NLGN1: variants seen among roughly 807,000 people sequenced by gnomAD.
NLGN1 encodes neuroligin 1, also known as neuroligin-1.
Under a neutral mutation model 65.5 loss-of-function variants are expected in NLGN1, and 12 were observed. That is an observed-to-expected ratio of 0.18 (90% CI 0.12 to 0.30). The LOEUF is 0.30. Among genes scored for constraint, NLGN1 ranks in the 10% least tolerant of loss-of-function variants. The pLI, the probability that NLGN1 is intolerant of heterozygous loss-of-function variation, is 1.00. For synonymous variants in NLGN1, 350 were observed against 359.5 expected (o/e 0.97, Z 0.30); for missense variants, 750 against 1,007.1 (o/e 0.74, Z 3.46).
intron 3 of NLGN1, among the ~76,000 whole-genome samples, chr3:173,673,704 C>T (rs1762754880): frequency 6.6e-6 from 1 of 152,126 alleles, no homozygotes; most frequent in Admixed American, 6.6e-5. Flanking sequence ...CAACCTCCAT[C>T]TAACCACAAA....
intron 2 of NLGN1, among the ~76,000 whole-genome samples, chr3:173,571,710 T>C (rs1744683184): frequency 1.3e-5 from 2 of 152,232 alleles, no homozygotes; most frequent in South Asian, 4.1e-4. Flanking sequence ...CTTCTTTTCA[T>C]AGTAGTTTCA....
intron 3 of NLGN1, among the ~76,000 whole-genome samples, chr3:173,646,489 A>G (rs1162984645): frequency 2.0e-5 from 3 of 152,242 alleles, no homozygotes; most frequent in Non-Finnish European, 1.5e-5. Context: ...ATGCTAGAAG[A>G]AAAGATTTGA....
At chr3:173,420,599 T>G (rs559359324) in intron 1 of NLGN1, among the ~76,000 whole-genome samples, 1 of 152,272 alleles carries the variant, frequency 6.6e-6, no homozygotes, top group East Asian at 1.9e-4. Context: ...TACCCAGTAA[T>G]GGGATGACTG....
chr3:173,837,944 G>T (rs1262048072), intron 4 of NLGN1, among the ~76,000 whole-genome samples: 1 of 152,106 alleles, frequency 6.6e-6, no homozygotes, highest in Non-Finnish European at 1.5e-5. Flanking sequence ...TTCAAAAATT[G>T]GTATATAAAC....
chr3:174,081,522 A>G (rs1179795823), intron 4 of NLGN1, among the ~76,000 whole-genome samples: 1 of 151,540 alleles, frequency 6.6e-6, no homozygotes, highest in Non-Finnish European at 1.5e-5. Context: ...CCCATCAATG[A>G]GGGTTCCCCC....
At chr3:173,520,749 A>G (rs1455324992) in intron 2 of NLGN1, among the ~76,000 whole-genome samples, 3 of 152,238 alleles carry the variant, frequency 2.0e-5, no homozygotes, top group African/African-American at 7.2e-5. Flanking sequence ...TTAAGGAACA[A>G]ACAAACAGAA....
intron 4 of NLGN1, among the ~76,000 whole-genome samples, chr3:174,024,170 G>A (rs1156267717): frequency 1.4e-5 from 2 of 148,090 alleles, no homozygotes; most frequent in Non-Finnish European, 3.0e-5. Context: ...AAAAAAACAC[G>A]GGCTGGACCA....
intron 4 of NLGN1, among the ~76,000 whole-genome samples, chr3:173,826,059 G>C (rs921568158): frequency 1.3e-5 from 2 of 151,876 alleles, no homozygotes; most frequent in Non-Finnish European, 2.9e-5. Flanking sequence ...TGCATTAGCT[G>C]TGTGTGTGTG....
At chr3:173,767,655 A>G (rs956311546) in intron 3 of NLGN1, among the ~76,000 whole-genome samples, 2 of 152,104 alleles carry the variant, frequency 1.3e-5, no homozygotes, top group African/African-American at 4.8e-5. Flanking sequence ...TGTTTAATAA[A>G]TATGTTCATT....
chr3:174,285,523 T>C (rs998152403), exon 7 of NLGN1: 1 of 151,532 alleles, frequency 6.6e-6, no homozygotes, highest in Admixed American at 6.6e-5. Context: ...CCAGTAGCCT[T>C]ATACCTCTCC....
rs564123156 is a variant in NLGN1, at chr3:173,461,297, C to T, written c.-321+26219C>T. Among the ~76,000 whole-genome samples, 233 of 152,102 alleles carry T rather than the reference C, an allele frequency of 1.5e-3. 1 individual carries two copies. The highest frequency in any genetic ancestry group is 2.7e-3 in the Non-Finnish European group (185 of 67,972). On this transcript the variant is annotated intron_variant, in intron 2 of 6. Transcript: ENST00000457714. ...ATATTCTAGCCAAACATGTGGTTAT[C>T]CAATCCCCTTAGGAAAAATGTAGGG...
chr3:173,467,209 A>C (rs1724514166), intron 2 of NLGN1, among the ~76,000 whole-genome samples: 1 of 152,028 alleles, frequency 6.6e-6, no homozygotes, highest in South Asian at 2.1e-4. Flanking sequence ...CACATCATTA[A>C]ATATTCTGTA....
intron 1 of NLGN1, among the ~76,000 whole-genome samples, chr3:173,425,680 A>G (rs1715960798): frequency 6.6e-6 from 1 of 152,014 alleles, no homozygotes; most frequent in African/African-American, 2.4e-5. Flanking sequence ...TCTCTGTGCT[A>G]TTCCATTAGT....
At chr3:173,443,242 C>CA (rs560005509) in intron 2 of NLGN1, among the ~76,000 whole-genome samples, 11 of 143,808 alleles carry the variant, frequency 7.6e-5, no homozygotes, top group South Asian at 2.2e-4. Context: ...ACCCTGTCTC[C>CA]AAAAAAAAAG....
At chr3:173,816,669 C>T (rs1275598043) in intron 4 of NLGN1, among the ~76,000 whole-genome samples, 1 of 152,194 alleles carries the variant, frequency 6.6e-6, no homozygotes, top group African/African-American at 2.4e-5. Flanking sequence ...ATGAAGTGGT[C>T]CTGGCCTGCA....
chr3:174,260,572 A>T (rs1258064550), intron 4 of NLGN1, among the ~76,000 whole-genome samples: 2 of 140,962 alleles, frequency 1.4e-5, no homozygotes, highest in Admixed American at 7.3e-5. Flanking sequence ...TTCATTGTAG[A>T]TTCTGGATAT....
chr3:173,886,820 A>G (rs1351936388), intron 4 of NLGN1, among the ~76,000 whole-genome samples: 2 of 152,024 alleles, frequency 1.3e-5, no homozygotes, highest in Admixed American at 6.6e-5. Context: ...TGAAACCAAT[A>G]AAAATAACCG....
intron 3 of NLGN1, among the ~76,000 whole-genome samples, chr3:173,786,777 C>A (rs960066441): frequency 1.3e-5 from 2 of 151,976 alleles, no homozygotes; most frequent in Admixed American, 6.6e-5. Context: ...GGAATGGTAA[C>A]TTAGAAAACA....
chr3:173,461,666 A>G (rs1047726388), intron 2 of NLGN1, among the ~76,000 whole-genome samples: 68 of 149,452 alleles, frequency 4.5e-4, no homozygotes, highest in African/African-American at 1.7e-3. Flanking sequence ...TTAGTAAACA[A>G]ATATTATTGA....
Sources: gnomAD v4.1 joint callset for allele counts (sites outside exome capture counted in the v4.1 genomes callset) on GRCh38, gnomAD v4.1.1 for gene constraint, MANE v1.5 for transcripts, NCBI Gene and HGNC (gene_info 2026-07-23, HGNC 2026-07-21) for gene names.